TMEM143: variants seen among roughly 807,000 people sequenced by gnomAD.
The protein encoded by TMEM143 is transmembrane protein 143.
TMEM143 carries 45 observed loss-of-function variants against 40.3 expected under a neutral mutation model. That is an observed-to-expected ratio of 1.12 (90% CI 0.88 to 1.43). The LOEUF (loss-of-function observed/expected upper bound fraction) is 1.43, where lower values mean the gene tolerates loss of function less well. Ranked by LOEUF, TMEM143 falls within the 40% of genes most tolerant of loss-of-function variation. The probability of loss-of-function intolerance (pLI) is 0.00; values close to 1 mark genes in which losing one functional copy is unlikely to be tolerated. For missense variants in TMEM143, 620 were observed against 613.4 expected (o/e 1.01, Z -0.11); for synonymous variants, 299 against 282.7 (o/e 1.06, Z -0.58).
chr19:48,336,144 G>A (rs1969361268), intron 6 of TMEM143, among the ~76,000 whole-genome samples: 1 of 152,196 alleles, frequency 6.6e-6, no homozygotes, highest in African/African-American at 2.4e-5. Context: ...CACTTTGGGA[G>A]GATGAGGAGG....
At position 48,343,411 on chromosome 19, in the gene TMEM143, C is replaced by G; in HGVS notation, c.605G>C (p.Trp202Ser). ...NLDQYVYIHF[W>S]ALGQRVGQMP... Reference sequence around the variant, plus strand: ...CTGCCCGACTCGCTGGCCCAGGGCCCAGAAGTGAATGTAGACATACTGATC... The same window carrying G: ...CTGCCCGACTCGCTGGCCCAGGGCCGAGAAGTGAATGTAGACATACTGATC... Residue 202 changes from tryptophan (W) to serine (S), a missense_variant, in exon 5 of 8, where the codon TGG becomes TCG. Trp to Ser is a radical substitution (Grantham distance 177). Coordinates refer to ENST00000293261, the MANE Select transcript of TMEM143 (RefSeq NM_018273.4). The G allele has an allele frequency of 2.5e-6, 4 of 1,592,908 alleles. No individual in the cohort carries two copies. Among genetic ancestry groups the G allele is most frequent in the Non-Finnish European group, 2.6e-6 (3 of 1,169,530 alleles).
At chr19:48,362,021 T>G (rs1970052018) in intron 2 of TMEM143, among the ~76,000 whole-genome samples, 1 of 152,226 alleles carries the variant, frequency 6.6e-6, no homozygotes, top group Non-Finnish European at 1.5e-5. Flanking sequence ...TATATTTATG[T>G]GTGTATATTT....
At chr19:48,348,991 C>T (rs1182511078) in intron 3 of TMEM143, among the ~76,000 whole-genome samples, 2 of 151,908 alleles carry the variant, frequency 1.3e-5, no homozygotes, top group Non-Finnish European at 2.9e-5. Flanking sequence ...GCCTGGGCAA[C>T]ACAGCAAGAT....
intron 6 of TMEM143, among the ~76,000 whole-genome samples, chr19:48,336,449 C>G (rs1269296788): frequency 6.6e-6 from 1 of 151,646 alleles, no homozygotes; most frequent in African/African-American, 2.4e-5. Context: ...CGCTTGAGCC[C>G]GGGAAGTGGA....
chr19:48,345,087 C>G, intron 4 of TMEM143, 73 bp downstream of exon 4: 2 of 1,506,242 alleles, frequency 1.3e-6, no homozygotes, highest in Non-Finnish European at 1.8e-6. Context: ...CTCCCAGCAG[C>G]CCATGCCTCT....
intron 6 of TMEM143, among the ~76,000 whole-genome samples, chr19:48,338,943 C>CAAGGGACTG (rs1304105673): frequency 6.6e-6 from 1 of 152,122 alleles, no homozygotes; most frequent in Non-Finnish European, 1.5e-5. Flanking sequence ...CATTTCAGTC[C>CAAGGGACTG]AAGGGAACAG....
intron 3 of TMEM143, among the ~76,000 whole-genome samples, chr19:48,355,864 G>A (rs1969878922): frequency 6.6e-6 from 1 of 152,194 alleles, no homozygotes; most frequent in African/African-American, 2.4e-5. Flanking sequence ...TCAGGGCCTG[G>A]AGCCACTGAG....
At chr19:48,339,285 G>A (rs1186881240) in intron 6 of TMEM143, among the ~76,000 whole-genome samples, 1 of 152,168 alleles carries the variant, frequency 6.6e-6, no homozygotes, top group South Asian at 2.1e-4. Flanking sequence ...CAGGGGAGAC[G>A]CTGTGCTTGG....
At chr19:48,352,160 T>G (rs1392733506) in intron 3 of TMEM143, among the ~76,000 whole-genome samples, 1 of 131,942 alleles carries the variant, frequency 7.6e-6, no homozygotes, top group Non-Finnish European at 1.6e-5. Context: ...GGCAGGAGAA[T>G]GGTGTGAACC....
rs199578239 is a variant in TMEM143 at position 48,347,206 on chromosome 19, AC to A, written c.370-1853del. Among the ~76,000 whole-genome samples the A allele has an allele frequency of 8.0e-3, 1,211 of 152,088 alleles. 17 individuals carry two copies. The highest frequency in any genetic ancestry group is 0.028 in the African/African-American group (1,148 of 41,474). ...CTCTACAACAGCCTCCAAGGAAATC[AC>A]CCCTCTATAAAACCAGATCATAAAC... On this transcript the variant is annotated intron_variant, in intron 3 of 7. Transcript: ENST00000293261.
At chr19:48,338,020 G>A (rs1969409522) in intron 6 of TMEM143, among the ~76,000 whole-genome samples, 1 of 131,396 alleles carries the variant, frequency 7.6e-6, no homozygotes, top group Non-Finnish European at 1.7e-5. Context: ...CTGCCACCCG[G>A]AGGGTCCCTT....
rs1969527732 is a variant in TMEM143, at chr19:48,342,723, C to T, written c.782G>A (p.Gly261Asp). ...LKSFKDTPLEGLEQLLPELKV... is the reference protein window; with the variant it reads ...LKSFKDTPLEDLEQLLPELKV... ...CAGCTCCGGCAGCAGCTGCTCCAGG[C>T]CTTCCAGCGGCGTGTCCTTGAAACT... The change falls in exon 6 of 8, where the codon GGC becomes GAC. Residue 261 changes from glycine (G) to aspartate (D), a missense_variant. Coordinates refer to ENST00000293261, the MANE Select transcript of TMEM143 (RefSeq NM_018273.4). 10 of 1,614,150 alleles carry T rather than the reference C, an allele frequency of 6.2e-6. No individual in the cohort carries two copies. The highest frequency in any genetic ancestry group is 7.6e-6 in the Non-Finnish European group (9 of 1,180,010).
intron 6 of TMEM143, among the ~76,000 whole-genome samples, chr19:48,339,785 G>C (rs567990306): frequency 5.7e-4 from 87 of 152,310 alleles, no homozygotes; most frequent in African/African-American, 1.8e-3. Context: ...CTGGAATGCA[G>C]TGGCGCAATC....
rs764613443 is a variant in TMEM143 at position 48,345,189 on chromosome 19, C to T, written c.535G>A (p.Val179Met). 3 of 1,613,536 alleles carry T rather than the reference C, an allele frequency of 1.9e-6. No homozygotes were observed. Among genetic ancestry groups the T allele is most frequent in the Admixed American group, 3.3e-5 (2 of 59,996 alleles). ...ACCTCATCCTGAGGGTGGTGGACCA[C>T]CAGCGCGTAGGCCAGGGTGTCCTCA... ...LSEDTLAYAL[V>M]VHHPQDEVQV... The change falls in exon 4 of 8, where the codon GTG becomes ATG. Residue 179 changes from valine to methionine, a missense_variant. Coordinates refer to ENST00000293261, the MANE Select transcript of TMEM143 (RefSeq NM_018273.4).
intron 3 of TMEM143, among the ~76,000 whole-genome samples, chr19:48,354,754 C>T (rs914104073): frequency 1.3e-5 from 2 of 152,082 alleles, no homozygotes; most frequent in Non-Finnish European, 2.9e-5. Flanking sequence ...AGAGAGAGGT[C>T]ACCCGCCAAG....
At chr19:48,342,483 G>T in intron 6 of TMEM143, 47 bp downstream of exon 6, 1 of 1,547,480 alleles carries the variant, frequency 6.5e-7, no homozygotes. Context: ...GCCTGACCTG[G>T]TCCCCACAGC....
chr19:48,334,172 T>C lies in TMEM143; in HGVS notation c.1001A>G (p.Gln334Arg), dbSNP rs1169067572. 1 of 1,605,624 alleles carries C rather than the reference T, an allele frequency of 6.2e-7. No homozygotes were observed. The highest frequency in any genetic ancestry group is 1.1e-5 in the South Asian group (1 of 90,088). The change falls in exon 7 of 8, where the codon CAG becomes CGG. Residue 334 changes from glutamine to arginine, a missense_variant. Coordinates refer to ENST00000293261, the MANE Select transcript of TMEM143 (RefSeq NM_018273.4). ...CAGCATGTGCGCCAGCTCCAACGCC[T>C]GCGCGCTGCGCCGCTGCCCGAACAT... Reference protein sequence around the residue: ...SKMFGQRRSAQALELAHMLYY... With the variant: ...SKMFGQRRSARALELAHMLYY...
chr19:48,341,739 C>A (rs138927379), intron 6 of TMEM143, among the ~76,000 whole-genome samples: 41 of 152,174 alleles, frequency 2.7e-4, no homozygotes, highest in African/African-American at 9.9e-4. Context: ...GATCACACAG[C>A]GAGAAGAGAG....
rs1266057774 is a variant in TMEM143 at position 48,345,482 on chromosome 19, T to TA, written c.370-129dup. 9.4e-6 allele frequency: 5 copies of TA among 533,852 alleles called. No homozygotes were observed. The Admixed American group carries it at 2.0e-4, about 22-fold the overall frequency. The allele number at this position is 533,852 out of a possible 1,614,324, so 33.1% of individuals were successfully genotyped here. A position where few individuals can be genotyped will look rare whatever the true frequency, so the allele number is the denominator to read the frequency against. The stretch of plus-strand genomic sequence containing the variant: ...TATTTATTTATTTATTTTATTGAGA[T>TA]AGAGTCTCGCTCTGTTGCCAGGCTG... On this transcript the variant is annotated intron_variant, in intron 3 of 7. Coordinates refer to ENST00000293261, the MANE Select transcript of TMEM143 (RefSeq NM_018273.4).
Sources: gnomAD v4.1 joint callset for allele counts (sites outside exome capture counted in the v4.1 genomes callset) on GRCh38, gnomAD v4.1.1 for gene constraint, MANE v1.5 for transcripts, NCBI Gene and HGNC (gene_info 2026-07-23, HGNC 2026-07-21) for gene names.